Variants in NTM observed in about 807,000 individuals in gnomAD.
NTM encodes neurotrimin.
A neutral mutation model predicts 42.1 loss-of-function variants in NTM; 13 were observed. The ratio of observed to expected loss-of-function variants is 0.31; its 90% CI spans 0.20 to 0.49. The LOEUF (loss-of-function observed/expected upper bound fraction) is 0.49. Ranked by LOEUF, NTM falls within the 20% of genes least tolerant of loss-of-function variation. The pLI, the probability that NTM is intolerant of heterozygous loss-of-function variation, is 0.99. For synonymous variants in NTM, 187 were observed against 179.2 expected (o/e 1.04, Z -0.35); for missense variants, 373 against 452.8 (o/e 0.82, Z 1.60).
At chr11:131,577,504 G>T (rs962821165) in intron 1 of NTM, among the ~76,000 whole-genome samples, 1 of 152,176 alleles carries the variant, frequency 6.6e-6, no homozygotes, top group Admixed American at 6.5e-5. Flanking sequence ...CAGGCAGATT[G>T]CTTCCTTCCT....
intron 3 of NTM, among the ~76,000 whole-genome samples, chr11:132,155,555 G>GATTT (rs201846064): frequency 0.067 from 10,235 of 152,282 alleles, 568 homozygotes; most frequent in African/African-American, 0.15. Flanking sequence ...ATTGCTCCTG[G>GATTT]CTTTCTGGCC....
chr11:131,718,698 G>T (rs1367711218), intron 1 of NTM, among the ~76,000 whole-genome samples: 1 of 151,980 alleles, frequency 6.6e-6, no homozygotes, highest in Non-Finnish European at 1.5e-5. Context: ...AGTTCTCTGT[G>T]CAGATTTCTC....
At chr11:132,194,052 C>G (rs1490174571) in intron 3 of NTM, among the ~76,000 whole-genome samples, 1 of 151,996 alleles carries the variant, frequency 6.6e-6, no homozygotes, top group Non-Finnish European at 1.5e-5. Flanking sequence ...GAGCTAATAC[C>G]AGTCATACTG....
intron 1 of NTM, among the ~76,000 whole-genome samples, chr11:131,818,228 A>G (rs1453924497): frequency 4.9e-5 from 7 of 141,730 alleles, no homozygotes; most frequent in African/African-American, 2.2e-4. Flanking sequence ...GTATCTCCTC[A>G]GAGGGCTCCC....
intron 1 of NTM, among the ~76,000 whole-genome samples, chr11:131,765,650 C>T (rs1404160509): frequency 6.6e-6 from 1 of 152,166 alleles, no homozygotes; most frequent in East Asian, 1.9e-4. Context: ...GGCTTTATGT[C>T]TTGTGTCCTT....
At chr11:132,213,096 G>C (rs968398094) in intron 4 of NTM, among the ~76,000 whole-genome samples, 21 of 152,158 alleles carry the variant, frequency 1.4e-4, no homozygotes, top group African/African-American at 5.1e-4. Context: ...CATGAACAGT[G>C]GTCCTTAATT....
In NTM at chr11:131,871,632, C is replaced by G. The variant is rs149295189; in HGVS notation, c.83-39932C>G. ...ATAGTTTATCAATATGAATACTTTG[C>G]ATTTATGGGCTTGTTCTCTCCCTGT... On this transcript the variant is annotated intron_variant, in intron 1 of 8. Transcript: ENST00000683400. 7.6e-3 allele frequency among the ~76,000 whole-genome samples: 1,158 copies of G among 152,254 alleles called. 12 individuals carry two copies. Among genetic ancestry groups the G allele is most frequent in the African/African-American group, 0.026 (1,094 of 41,538 alleles).
chr11:131,782,439 T>TA (rs2088334261), intron 1 of NTM, among the ~76,000 whole-genome samples: 1 of 151,754 alleles, frequency 6.6e-6, no homozygotes, highest in Admixed American at 6.6e-5. Context: ...GAGGAAATAA[T>TA]AACAAATCTA....
chr11:131,787,861 G>A (rs184394436), intron 1 of NTM, among the ~76,000 whole-genome samples: 1 of 152,286 alleles, frequency 6.6e-6, no homozygotes, highest in East Asian at 1.9e-4. Context: ...CTTTCTAGAT[G>A]AATTTTGGTA....
intron 1 of NTM, among the ~76,000 whole-genome samples, chr11:131,782,378 A>C (rs1045636562): frequency 6.6e-6 from 1 of 151,892 alleles, no homozygotes; most frequent in Non-Finnish European, 1.5e-5. Context: ...ACAAAAAAAA[A>C]CAACTCTAGG....
At chr11:131,557,977 C>T (rs1164412808) in intron 1 of NTM, among the ~76,000 whole-genome samples, 1 of 152,172 alleles carries the variant, frequency 6.6e-6, no homozygotes, top group Non-Finnish European at 1.5e-5. Context: ...CAGTTACCTA[C>T]CAATGAAATG....
At chr11:131,633,026 C>G (rs2063823517) in intron 1 of NTM, among the ~76,000 whole-genome samples, 1 of 152,154 alleles carries the variant, frequency 6.6e-6, no homozygotes, top group Non-Finnish European at 1.5e-5. Context: ...CTGCTGCATC[C>G]AAAAGCTACT....
chr11:132,084,027 G>A (rs937057767), intron 2 of NTM, among the ~76,000 whole-genome samples: 6 of 151,926 alleles, frequency 3.9e-5, no homozygotes, highest in African/African-American at 1.5e-4. Context: ...TATTACTTCA[G>A]TCTATTCAGA....
intron 2 of NTM, among the ~76,000 whole-genome samples, chr11:131,963,361 G>A (rs1006330370): frequency 1.3e-5 from 2 of 152,174 alleles, no homozygotes; most frequent in Admixed American, 6.5e-5. Flanking sequence ...AAGTAAACCT[G>A]CTCAACTTTT....
chr11:131,516,345 C>T (rs553486822), intron 1 of NTM, among the ~76,000 whole-genome samples: 1 of 152,320 alleles, frequency 6.6e-6, no homozygotes, highest in African/African-American at 2.4e-5. Context: ...AATCTCAAGC[C>T]TGTGCCCTTT....
intron 8 of NTM, among the ~76,000 whole-genome samples, chr11:132,331,096 G>A (rs2095793960): frequency 6.6e-6 from 1 of 152,218 alleles, no homozygotes; most frequent in Non-Finnish European, 1.5e-5. Context: ...CCCAGGTGGA[G>A]CAGGCCATGC....
intron 1 of NTM, among the ~76,000 whole-genome samples, chr11:131,610,849 G>A (rs2061411478): frequency 6.6e-6 from 1 of 152,198 alleles, no homozygotes; most frequent in South Asian, 2.1e-4. Context: ...GGACCAAGGA[G>A]TTTAGACTTG....
chr11:131,520,927 T>C (rs1020049105), intron 1 of NTM, among the ~76,000 whole-genome samples: 6 of 152,166 alleles, frequency 3.9e-5, no homozygotes, highest in Non-Finnish European at 5.9e-5. Flanking sequence ...GGCATCAGCA[T>C]TGGCTTCCGT....
chr11:131,711,292 C>A (rs1379594510), intron 1 of NTM, among the ~76,000 whole-genome samples: 1 of 152,178 alleles, frequency 6.6e-6, no homozygotes, highest in East Asian at 1.9e-4. Flanking sequence ...AAGAAAAAAA[C>A]AAACAACCCC....
Sources: gnomAD v4.1 joint callset for allele counts (sites outside exome capture counted in the v4.1 genomes callset) on GRCh38, gnomAD v4.1.1 for gene constraint, MANE v1.5 for transcripts, NCBI Gene and HGNC (gene_info 2026-07-23, HGNC 2026-07-21) for gene names.